The following FRRS1L variants were observed in gnomAD, a reference collection of about 807,000 sequenced individuals.
FRRS1L encodes DOMON domain-containing protein FRRS1L.
A neutral mutation model predicts 28.6 loss-of-function variants in FRRS1L; 22 were observed. The observed-to-expected ratio is 0.77, with a 90% CI of 0.55 to 1.10. The LOEUF (loss-of-function observed/expected upper bound fraction) is 1.10, where lower values mean the gene tolerates loss of function less well. Among genes scored for constraint, FRRS1L ranks in the 50% least tolerant of loss-of-function variants. The pLI is 0.00. For missense variants in FRRS1L, 380 were observed against 386.9 expected, an observed-to-expected ratio of 0.98 and a Z score of 0.15; for synonymous variants, 158 against 151.4, an observed-to-expected ratio of 1.04 and a Z score of -0.32.
At chr9:109,151,519 G>C in intron 1 of FRRS1L, 1 of 200,592 alleles carries the variant, frequency 5.0e-6, no homozygotes, top group Non-Finnish European at 1.0e-5. Context: ...AGAATCTAAT[G>C]CCTGATGATC....
At chr9:109,143,516 C>CTTT (rs371939320) in intron 3 of FRRS1L, among the ~76,000 whole-genome samples, 21 of 135,190 alleles carry the variant, frequency 1.6e-4, no homozygotes, top group African/African-American at 5.9e-4. Context: ...AATAATGCAC[C>CTTT]TTTTTTTTTT....
chr9:109,147,285 T>C, intron 2 of FRRS1L, 96 bp from the exon 3 acceptor site: 1 of 1,030,650 alleles, frequency 9.7e-7, no homozygotes. Flanking sequence ...CTAAGCAATA[T>C]TATTAAACAC....
chr9:109,150,077 T>A (rs10979711), intron 1 of FRRS1L: 3,986 of 168,036 alleles, frequency 0.024, 68 homozygotes, highest in East Asian at 0.099. Context: ...AGAAAAAAGT[T>A]AACAGTGATA....
intron 1 of FRRS1L, among the ~76,000 whole-genome samples, chr9:109,157,316 T>C (rs10979718): frequency 6.6e-6 from 1 of 152,038 alleles, no homozygotes; most frequent in African/African-American, 2.4e-5. Context: ...AAGAGTATGA[T>C]TCTGTATTTG....
intron 1 of FRRS1L, among the ~76,000 whole-genome samples, chr9:109,162,826 CCTT>C (rs1011645332): frequency 5.3e-5 from 8 of 152,208 alleles, no homozygotes; most frequent in African/African-American, 1.9e-4. Flanking sequence ...CATGTTCTGT[CCTT>C]CTTTCTACCT....
At chr9:109,158,498 C>T (rs906621952) in intron 1 of FRRS1L, among the ~76,000 whole-genome samples, 2 of 152,142 alleles carry the variant, frequency 1.3e-5, no homozygotes, top group Non-Finnish European at 2.9e-5. Context: ...TCCCAATTCC[C>T]CCTCCTCTCA....
At position 109,167,232 on chromosome 9, in the gene FRRS1L, A is replaced by G. The variant is rs764458795; in HGVS notation, c.-94T>C. 3 of 1,371,686 alleles carry G rather than the reference A, an allele frequency of 2.2e-6. No individual in the cohort carries two copies. Among genetic ancestry groups the G allele is most frequent in the Admixed American group, 5.4e-5 (2 of 37,212 alleles). The allele number at this position is 1,371,686 out of a possible 1,614,324, so 85.0% of individuals were successfully genotyped here. A position where few individuals can be genotyped will look rare whatever the true frequency, so the allele number is the denominator to read the frequency against. On this transcript the variant is annotated 5_prime_UTR_variant, in exon 1 of 5. Transcript: ENST00000561981. ...CTGAGCCTCCGCCGAGGCCACCAGCACGCGCCCGCGCAGCCGCGGAGCCTC... is the reference window on the plus strand; with the variant it reads ...CTGAGCCTCCGCCGAGGCCACCAGCGCGCGCCCGCGCAGCCGCGGAGCCTC...
intron 3 of FRRS1L, 89 bp downstream of exon 3, chr9:109,146,962 T>C (rs911017484): frequency 8.2e-7 from 1 of 1,214,258 alleles, no homozygotes; most frequent in Non-Finnish European, 1.2e-6. Flanking sequence ...ATCATTATAC[T>C]GCTTTGATCA....
At chr9:109,143,144 G>A (rs147412030) in intron 3 of FRRS1L, among the ~76,000 whole-genome samples, 189 of 152,026 alleles carry the variant, frequency 1.2e-3, no homozygotes, top group African/African-American at 4.3e-3. Context: ...GTGAAACCTC[G>A]TCTCTACTTA....
Position 109,131,912 on chromosome 9 carries a change from A to G in FRRS1L, c.*5543T>C, listed in dbSNP as rs1032728137. 6.6e-6 allele frequency: 1 copy of G among 151,756 alleles called. No homozygotes were observed. Among genetic ancestry groups the G allele is most frequent in the Non-Finnish European group, 1.5e-5 (1 of 67,792 alleles). 9.4% of individuals were successfully genotyped at this position (151,756 alleles called of 1,614,324 possible). ...GTACATAAGGTAGATGCCACATCAC[A>G]TGTGTAAAACACTCCCATGGTGCAG... On this transcript the variant is annotated 3_prime_UTR_variant, in exon 5 of 5. Coordinates refer to ENST00000561981, the MANE Select transcript of FRRS1L (RefSeq NM_014334.4).
intron 1 of FRRS1L, among the ~76,000 whole-genome samples, chr9:109,154,090 T>G (rs1381136992): frequency 6.6e-6 from 1 of 152,172 alleles, no homozygotes; most frequent in African/African-American, 2.4e-5. Context: ...GAGTTCCCAG[T>G]TCGGTGCTAG....
intron 3 of FRRS1L, among the ~76,000 whole-genome samples, 183 bp from the exon 4 acceptor site, chr9:109,141,772 G>T (rs1239628491): frequency 6.6e-6 from 1 of 152,098 alleles, no homozygotes; most frequent in African/African-American, 2.4e-5. Context: ...GACATTCAGT[G>T]CCTCCTGACT....
rs888765986 is a variant in FRRS1L, at chr9:109,131,578, A to C, written c.*5877T>G. 6.6e-6 allele frequency: 1 copy of C among 152,380 alleles called. No individual in the cohort carries two copies. The highest frequency in any genetic ancestry group is 1.5e-5 in the Non-Finnish European group (1 of 68,034). The allele number at this position is 152,380 out of a possible 1,614,324, so 9.4% of individuals were successfully genotyped here. ...GTTACAAGAGGGTTATGTCTCAGTA[A>C]ACCCATCAATTGTAAGTTGAAAATA... On this transcript the variant is annotated 3_prime_UTR_variant, in exon 5 of 5. Coordinates refer to ENST00000561981, the MANE Select transcript of FRRS1L (RefSeq NM_014334.4).
rs1324765720 is a variant in FRRS1L at position 109,135,056 on chromosome 9, C to T, written c.*2399G>A. The stretch of plus-strand genomic sequence containing the variant: ...TGAACAGAATTTCTCCTCCATCCCT[C>T]CTTGGAAGCTTTTGGTAACTGTGTT... On this transcript the variant is annotated 3_prime_UTR_variant, in exon 5 of 5. Coordinates refer to ENST00000561981, the MANE Select transcript of FRRS1L (RefSeq NM_014334.4). The T allele has an allele frequency of 6.6e-6, 1 of 152,218 alleles. No individual in the cohort carries two copies. The highest frequency in any genetic ancestry group is 1.5e-5 in the Non-Finnish European group (1 of 68,056). The allele number at this position is 152,218 out of a possible 1,614,324, so 9.4% of individuals were successfully genotyped here.
intron 1 of FRRS1L, among the ~76,000 whole-genome samples, chr9:109,164,246 G>A (rs1048233513): frequency 2.0e-5 from 3 of 152,114 alleles, no homozygotes; most frequent in Non-Finnish European, 4.4e-5. Context: ...ATGCAAAGAG[G>A]AAATGAAACT....
intron 2 of FRRS1L, 82 bp downstream of exon 2, chr9:109,149,554 G>T (rs907633899): frequency 2.9e-5 from 26 of 907,046 alleles, no homozygotes; most frequent in Non-Finnish European, 4.3e-5. Context: ...CTGATTAGAA[G>T]GAACTGCATG....
intron 1 of FRRS1L, among the ~76,000 whole-genome samples, chr9:109,157,271 A>G (rs1831422938): frequency 6.6e-6 from 1 of 152,230 alleles, no homozygotes; most frequent in Non-Finnish European, 1.5e-5. Flanking sequence ...ATATTCTGGT[A>G]TATGGCTGAT....
intron 1 of FRRS1L, among the ~76,000 whole-genome samples, chr9:109,159,435 G>A (rs962419253): frequency 1.3e-5 from 2 of 152,084 alleles, no homozygotes; most frequent in African/African-American, 4.8e-5. Flanking sequence ...CTCTGGCCAA[G>A]GTGGGTGGAT....
chr9:109,166,989 C>T lies in FRRS1L; in HGVS notation c.150G>A (p.Thr50=). The T allele has an allele frequency of 1.6e-6, 2 of 1,273,812 alleles. No individual in the cohort carries two copies. The highest frequency in any genetic ancestry group is 3.2e-5 in the East Asian group (1 of 31,522). The allele number at this position is 1,273,812 out of a possible 1,614,324, so 78.9% of individuals were successfully genotyped here. Residue 50 remains threonine (T), a synonymous_variant, in exon 1 of 5, where the codon ACG becomes ACA. Coordinates refer to ENST00000561981, the MANE Select transcript of FRRS1L (RefSeq NM_014334.4). ...RGPRGRARGD[T]GADEAVPRHD... is the part of the protein sequence containing the mutation. ...GGCGCGGCACCGCCTCGTCGGCGCC[C>T]GTGTCCCCCCGCGCGCGTCCCCGGG...
Sources: allele counts gnomAD v4.1 joint callset (sites outside exome capture counted in the v4.1 genomes callset), GRCh38; gene constraint gnomAD v4.1.1; transcripts MANE v1.5; gene names NCBI Gene and HGNC (gene_info 2026-07-23, HGNC 2026-07-21).